The following CDH4 variants were observed in gnomAD, a reference collection of about 807,000 sequenced individuals.
The protein encoded by CDH4 is cadherin-4.
In CDH4, 33 loss-of-function variants were observed where a neutral mutation model predicts 86.0. That is an observed-to-expected ratio of 0.38 (90% CI 0.29 to 0.51). The LOEUF (loss-of-function observed/expected upper bound fraction) is 0.51, where lower values mean the gene tolerates loss of function less well. CDH4 is among the 20% of genes least tolerant of loss of function. The probability of loss-of-function intolerance (pLI) is 0.86; values close to 1 mark genes in which losing one functional copy is unlikely to be tolerated. For synonymous variants in CDH4, 555 were observed against 549.4 expected (o/e 1.01, Z -0.14); for missense variants, 1,114 against 1,307.4 (o/e 0.85, Z 2.28).
Position 61,829,840 on chromosome 20 carries a change from G to C in CDH4, c.577-14828G>C, listed in dbSNP as rs922971684. Among the ~76,000 whole-genome samples the C allele has an allele frequency of 6.6e-6, 1 of 152,080 alleles. No homozygotes were observed. The highest frequency in any genetic ancestry group is 1.5e-5 in the Non-Finnish European group (1 of 67,992). ...TCCAGACCCCAGTCCCCTTGGACCA[G>C]GGGCAAAGCTCATTTCCCTCATCCC... is the stretch of plus-strand genomic sequence containing the variant. On this transcript the variant is annotated intron_variant, in intron 4 of 15. Coordinates refer to ENST00000614565, the MANE Select transcript of CDH4 (RefSeq NM_001794.5). This position sits in a 1 kb window ranked among gnomAD's most constrained non-coding sequence, Gnocchi z 4.2.
intron 3 of CDH4, among the ~76,000 whole-genome samples, chr20:61,771,536 G>A (rs2088775812): frequency 6.7e-6 from 1 of 149,458 alleles, no homozygotes; most frequent in African/African-American, 2.5e-5. Flanking sequence ...AGGCAGGAGA[G>A]TCACTTAAAC....
intron 2 of CDH4, among the ~76,000 whole-genome samples, chr20:61,720,981 C>T (rs1331790648): frequency 2.6e-5 from 4 of 152,116 alleles, no homozygotes; most frequent in African/African-American, 4.8e-5. Context: ...TGGTCAGATC[C>T]GACGTTCCGA....
intron 2 of CDH4, among the ~76,000 whole-genome samples, chr20:61,564,627 G>T (rs938759320): frequency 6.6e-6 from 1 of 152,178 alleles, no homozygotes; most frequent in African/African-American, 2.4e-5. Flanking sequence ...ATCCTGTACA[G>T]CCTGCAGAAC....
At chr20:61,308,582 A>C (rs2123218313) in intron 2 of CDH4, among the ~76,000 whole-genome samples, 1 of 152,318 alleles carries the variant, frequency 6.6e-6, no homozygotes, top group South Asian at 2.1e-4. Flanking sequence ...CCTTGGCATA[A>C]TTTCCTGTGC....
At chr20:61,843,456 CAAAAA>C (rs869283452) in intron 4 of CDH4, among the ~76,000 whole-genome samples, 1 of 58,848 alleles carries the variant, frequency 1.7e-5, no homozygotes, top group African/African-American at 7.7e-5. Flanking sequence ...GACTCCGTCT[CAAAAA>C]AAAAAAAAAA....
intron 7 of CDH4, among the ~76,000 whole-genome samples, chr20:61,894,511 C>T (rs912838920): frequency 1.3e-5 from 2 of 152,114 alleles, no homozygotes; most frequent in Non-Finnish European, 2.9e-5. Flanking sequence ...CCTCCTGACC[C>T]GCGTCTGTGG....
intron 3 of CDH4, among the ~76,000 whole-genome samples, chr20:61,746,139 C>T (rs2088411889): frequency 1.3e-5 from 2 of 152,210 alleles, no homozygotes; most frequent in South Asian, 2.1e-4. Context: ...TCGTGAGCCC[C>T]ACCTGTGAGT....
intron 2 of CDH4, among the ~76,000 whole-genome samples, chr20:61,553,780 CT>C (rs2086153242): frequency 6.6e-6 from 1 of 152,352 alleles, no homozygotes; most frequent in South Asian, 2.1e-4. Context: ...TCCCTATCCC[CT>C]GTCCCATGAG....
At chr20:61,900,146 C>T (rs959892445) in intron 8 of CDH4, among the ~76,000 whole-genome samples, 4 of 152,214 alleles carry the variant, frequency 2.6e-5, no homozygotes, top group African/African-American at 7.2e-5. Flanking sequence ...GGGCAGCTCT[C>T]GCCCACAGAT....
chr20:61,902,963 G>A lies in CDH4; in HGVS notation c.1189-7459G>A, dbSNP rs2054743695. Among the ~76,000 whole-genome samples, 1 of 139,248 alleles carries A rather than the reference G, an allele frequency of 7.2e-6. No individual in the cohort carries two copies. The highest frequency in any genetic ancestry group is 7.8e-5 in the Admixed American group (1 of 12,858). 91.4% of individuals were successfully genotyped at this position (139,248 alleles called of 152,430 possible). Reference sequence around the variant, plus strand: ...GAGCCCAGGAGTTCGAGGCTGCAGTGAGGTGTGATCATGCCACTAAACTCC... The same window carrying A: ...GAGCCCAGGAGTTCGAGGCTGCAGTAAGGTGTGATCATGCCACTAAACTCC... On this transcript the variant is annotated intron_variant, in intron 8 of 15. Coordinates refer to ENST00000614565, the MANE Select transcript of CDH4 (RefSeq NM_001794.5). The surrounding 1 kb of genome is among the most constrained non-coding windows in gnomAD (Gnocchi z 4.6).
At chr20:61,856,081 G>A (rs775392775) in intron 6 of CDH4, among the ~76,000 whole-genome samples, 38 of 152,134 alleles carry the variant, frequency 2.5e-4, no homozygotes, top group Non-Finnish European at 4.9e-4. Context: ...CCCAGGACTT[G>A]GAAATCATCT....
chr20:61,728,679 A>G (rs2088142756), intron 2 of CDH4, among the ~76,000 whole-genome samples: 1 of 152,230 alleles, frequency 6.6e-6, no homozygotes, highest in Non-Finnish European at 1.5e-5. Flanking sequence ...CCAAGTGCCC[A>G]GCAGGATGTC....
At chr20:61,374,626 A>G (rs2084856973) in intron 2 of CDH4, among the ~76,000 whole-genome samples, 1 of 152,228 alleles carries the variant, frequency 6.6e-6, no homozygotes, top group Admixed American at 6.5e-5. Flanking sequence ...CAACCATCTG[A>G]ACGGACTCTC....
chr20:61,817,968 G>A (rs1475362050), intron 4 of CDH4, among the ~76,000 whole-genome samples: 1 of 152,106 alleles, frequency 6.6e-6, no homozygotes, highest in Non-Finnish European at 1.5e-5. Context: ...CAGGGTTTCA[G>A]ATGAAAACAG....
chr20:61,404,180 C>G (rs2085066694), intron 2 of CDH4, among the ~76,000 whole-genome samples: 1 of 152,046 alleles, frequency 6.6e-6, no homozygotes, highest in Admixed American at 6.6e-5. Context: ...TGGGCCAGGA[C>G]TCCCACCACC....
At chr20:61,320,603 G>A (rs1313768817) in intron 2 of CDH4, among the ~76,000 whole-genome samples, 1 of 152,002 alleles carries the variant, frequency 6.6e-6, no homozygotes, top group Non-Finnish European at 1.5e-5. Context: ...GGGGGATGGG[G>A]GTGCTATTTG....
At chr20:61,590,075 G>A (rs546549634) in intron 2 of CDH4, among the ~76,000 whole-genome samples, 110 of 151,854 alleles carry the variant, frequency 7.2e-4, no homozygotes, top group African/African-American at 2.6e-3. Context: ...GGGGAGTTGA[G>A]CCTGTCCTTG....
At chr20:61,826,800 T>A in intron 4 of CDH4, among the ~76,000 whole-genome samples, 1 of 152,176 alleles carries the variant, frequency 6.6e-6, no homozygotes, top group South Asian at 2.1e-4. Context: ...GGTGGCCTCA[T>A]GGCCTCCTAC....
chr20:61,402,130 A>G (rs1307873963), intron 2 of CDH4, among the ~76,000 whole-genome samples: 1 of 152,184 alleles, frequency 6.6e-6, no homozygotes, highest in Non-Finnish European at 1.5e-5. Flanking sequence ...GTCTTAAAGC[A>G]TATACAGCCA....
Sources: allele counts gnomAD v4.1 joint callset (sites outside exome capture counted in the v4.1 genomes callset), GRCh38; gene constraint gnomAD v4.1.1; non-coding constraint Gnocchi (gnomAD v3.1); transcripts MANE v1.5; gene names NCBI Gene and HGNC (gene_info 2026-07-23, HGNC 2026-07-21).